The following HHAT variants were observed in gnomAD, a reference collection of about 807,000 sequenced individuals.
HHAT encodes the protein hedgehog acyltransferase.
Under a neutral mutation model 70.8 loss-of-function variants are expected in HHAT, and 47 were observed. The ratio of observed to expected loss-of-function variants is 0.66; its 90% confidence interval spans 0.53 to 0.85. The LOEUF is 0.85. Ranked by LOEUF, HHAT falls within the 40% of genes least tolerant of loss-of-function variation. The pLI is 0.00. For synonymous variants in HHAT, 228 were observed against 247.6 expected (o/e 0.92, Z 0.74); for missense variants, 609 against 604.8 (o/e 1.01, Z -0.07).
intron 10 of HHAT, among the ~76,000 whole-genome samples, chr1:210,618,883 A>G (rs921167638): frequency 1.3e-5 from 2 of 152,226 alleles, no homozygotes; most frequent in African/African-American, 4.8e-5. Context: ...CTGGAAGTAC[A>G]AACGAGTTTG....
chr1:210,388,605 ATGT>A (rs1410460929), intron 4 of HHAT, among the ~76,000 whole-genome samples: 1 of 152,038 alleles, frequency 6.6e-6, no homozygotes, highest in Non-Finnish European at 1.5e-5. Flanking sequence ...AAAATATTAG[ATGT>A]TGTCAGATCT....
intron 6 of HHAT, among the ~76,000 whole-genome samples, chr1:210,410,121 T>C (rs12404272): frequency 0.52 from 78,676 of 151,360 alleles, 21,523 homozygotes; most frequent in African/African-American, 0.7. Flanking sequence ...GCTGCGATCT[T>C]GGCTCACTGC....
intron 6 of HHAT, among the ~76,000 whole-genome samples, chr1:210,406,374 C>CATAAAT (rs2092330411): frequency 6.6e-6 from 1 of 150,676 alleles, no homozygotes; most frequent in African/African-American, 2.5e-5. Flanking sequence ...ATAATTGTTT[C>CATAAAT]TGTTATTTCT....
intron 3 of HHAT, among the ~76,000 whole-genome samples, chr1:210,373,670 A>G (rs578143638): frequency 6.6e-6 from 1 of 152,330 alleles, no homozygotes; most frequent in African/African-American, 2.4e-5. Context: ...TTTATTAAAC[A>G]CTTACTAGGC....
intron 10 of HHAT, among the ~76,000 whole-genome samples, chr1:210,602,048 G>T (rs144321296): frequency 6.6e-6 from 1 of 151,954 alleles, no homozygotes; most frequent in Non-Finnish European, 1.5e-5. Flanking sequence ...ATATTGAGAA[G>T]TTGGATCGAG....
intron 8 of HHAT, among the ~76,000 whole-genome samples, chr1:210,487,284 G>T (rs1008460203): frequency 5.3e-5 from 8 of 151,116 alleles, no homozygotes; most frequent in Admixed American, 4.7e-4. Flanking sequence ...GCCATTCTCA[G>T]AATAAGTCAA....
At chr1:210,395,733 T>C (rs2091745254) in intron 4 of HHAT, among the ~76,000 whole-genome samples, 1 of 152,176 alleles carries the variant, frequency 6.6e-6, no homozygotes, top group Non-Finnish European at 1.5e-5. Flanking sequence ...TGGAAGACAG[T>C]AGGTTTTCAC....
intron 11 of HHAT, among the ~76,000 whole-genome samples, chr1:210,641,442 T>A (rs1672954373): frequency 6.6e-6 from 1 of 152,148 alleles, no homozygotes; most frequent in African/African-American, 2.4e-5. Flanking sequence ...TAATTGCAGT[T>A]TTTGCCATTA....
intron 9 of HHAT, among the ~76,000 whole-genome samples, chr1:210,540,756 C>A (rs1184410916): frequency 6.6e-6 from 1 of 152,050 alleles, no homozygotes; most frequent in African/African-American, 2.4e-5. Context: ...TTATCCTCCC[C>A]TGCTTAGGTT....
chr1:210,638,722 CAAAAAAAAA>C (rs71146238), intron 11 of HHAT, among the ~76,000 whole-genome samples: 13 of 95,278 alleles, frequency 1.4e-4, no homozygotes, highest in African/African-American at 2.1e-4. Flanking sequence ...CCTGTATTTA[CAAAAAAAAA>C]AAAAAAAAAA....
At position 210,577,474 on chromosome 1, in the gene HHAT, A is replaced by G. The variant is rs918817006; in HGVS notation, c.1044-10424A>G. Among the ~76,000 whole-genome samples the G allele has an allele frequency of 6.6e-5, 10 of 152,202 alleles. 1 individual carries two copies. The South Asian group carries it at 1.7e-3, about 25-fold the overall frequency. On this transcript the variant is annotated intron_variant, in intron 9 of 11. Transcript: ENST00000261458. ...GTCCTTCATTCTGTTAATGTGATGT[A>G]TCATGCTAATTGATTTGTGTAAGTT...
At chr1:210,420,986 T>C (rs2092884898) in intron 7 of HHAT, among the ~76,000 whole-genome samples, 1 of 152,198 alleles carries the variant, frequency 6.6e-6, no homozygotes, top group Non-Finnish European at 1.5e-5. Context: ...ATTTTTTAAT[T>C]TGGCGAAACC....
chr1:210,404,837 T>C (rs766910767), intron 6 of HHAT, among the ~76,000 whole-genome samples, 158 bp downstream of exon 6: 5 of 152,134 alleles, frequency 3.3e-5, no homozygotes, highest in Non-Finnish European at 7.3e-5. Flanking sequence ...ATAGATGAAA[T>C]ACATATGAGA....
At chr1:210,403,518 G>A (rs1238997638) in intron 5 of HHAT, among the ~76,000 whole-genome samples, 1 of 152,190 alleles carries the variant, frequency 6.6e-6, no homozygotes, top group Non-Finnish European at 1.5e-5. Context: ...TTTTGCACAT[G>A]TGGTTCTCCT....
intron 9 of HHAT, among the ~76,000 whole-genome samples, chr1:210,556,713 G>A (rs1231160530): frequency 1.3e-5 from 2 of 152,158 alleles, no homozygotes; most frequent in Non-Finnish European, 2.9e-5. Flanking sequence ...TTGGAGACTG[G>A]TACTGATGAG....
intron 7 of HHAT, among the ~76,000 whole-genome samples, chr1:210,449,413 C>G (rs2093702563): frequency 6.6e-6 from 1 of 152,160 alleles, no homozygotes; most frequent in Admixed American, 6.5e-5. Flanking sequence ...TCTGATCATG[C>G]CTTTCCCGTC....
intron 11 of HHAT, among the ~76,000 whole-genome samples, chr1:210,655,868 G>C (rs1676290180): frequency 6.6e-6 from 1 of 152,082 alleles, no homozygotes; most frequent in Admixed American, 6.6e-5. Context: ...ACTTTCTGGG[G>C]GGAGGTAAGG....
intron 11 of HHAT, among the ~76,000 whole-genome samples, chr1:210,660,472 G>A (rs1381148827): frequency 1.3e-5 from 2 of 152,162 alleles, no homozygotes; most frequent in African/African-American, 4.8e-5. Flanking sequence ...TCAATATTGT[G>A]AAAATTGCCA....
chr1:210,536,291 G>A (rs1438247655), intron 9 of HHAT, among the ~76,000 whole-genome samples: 1 of 152,240 alleles, frequency 6.6e-6, no homozygotes, highest in Non-Finnish European at 1.5e-5. Context: ...TCTGATGCCT[G>A]TTGTTCCCTG....
Sources: gnomAD v4.1 joint callset for allele counts (sites outside exome capture counted in the v4.1 genomes callset) on GRCh38, gnomAD v4.1.1 for gene constraint, MANE v1.5 for transcripts, NCBI Gene and HGNC (gene_info 2026-07-23, HGNC 2026-07-21) for gene names.